Variants in UGT1A5 observed in about 807,000 individuals in gnomAD.
The protein encoded by UGT1A5 is UDP-glucuronosyltransferase 1A5.
Under a neutral mutation model 40.3 loss-of-function variants are expected in UGT1A5, and 29 were observed. That is an observed-to-expected ratio of 0.72 (90% CI 0.54 to 0.98). The LOEUF (loss-of-function observed/expected upper bound fraction) is 0.98, where lower values mean the gene tolerates loss of function less well. UGT1A5 is among the 50% of genes least tolerant of loss of function. UGT1A5 has a pLI of 0.00. For missense variants in UGT1A5, 678 were observed against 677.9 expected (o/e 1.00, Z 0.00); for synonymous variants, 257 against 262.5 (o/e 0.98, Z 0.20).
rs1700524185 is a variant in UGT1A5, at chr2:233,772,466, C to A, written c.1512C>A (p.Ala504=). 6.2e-6 allele frequency: 10 copies of A among 1,614,148 alleles called. No individual in the cohort carries two copies. The highest frequency in any genetic ancestry group is 8.5e-6 in the Non-Finnish European group (10 of 1,180,034). The change falls in exon 5 of 5, where the codon GCC becomes GCA. Residue 504 remains alanine, a synonymous_variant. Coordinates refer to ENST00000373414, the MANE Select transcript of UGT1A5 (RefSeq NM_019078.2). ...GFLLAVVLTV[A]FITFKCCAYG... ...TCTTGGCCGTCGTGCTGACAGTGGCCTTCATCACCTTTAAATGTTGTGCTT... is the reference window on the plus strand; with the variant it reads ...TCTTGGCCGTCGTGCTGACAGTGGCATTCATCACCTTTAAATGTTGTGCTT...
chr2:233,754,879 C>T (rs1695622753), intron 1 of UGT1A5: 1 of 1,352,088 alleles, frequency 7.4e-7, no homozygotes, highest in South Asian at 1.1e-5. Flanking sequence ...CTTCTGCTTC[C>T]CAGGGAGTTC....
At chr2:233,721,820 A>T in intron 1 of UGT1A5, 1 of 516,484 alleles carries the variant, frequency 1.9e-6, no homozygotes, top group Admixed American at 1.9e-5. Context: ...CCAGCACCCT[A>T]TTTGGGCCAC....
rs146704558 is a variant in UGT1A5 at position 233,766,504 on chromosome 2, T to C, written c.868-530T>C. On this transcript the variant is annotated intron_variant, in intron 1 of 4. Transcript: ENST00000373414. ...ATGGGGGCGTGGCAGGCCAGGGTGGTTTTGGGAAATGAAACATTTAGGCAG... is the reference window on the plus strand; with the variant it reads ...ATGGGGGCGTGGCAGGCCAGGGTGGCTTTGGGAAATGAAACATTTAGGCAG... Among the ~76,000 whole-genome samples the C allele has an allele frequency of 2.3e-3, 343 of 152,096 alleles. 3 individuals are homozygous for C. The highest frequency in any genetic ancestry group is 7.9e-3 in the African/African-American group (327 of 41,494).
At chr2:233,768,544 T>C in intron 4 of UGT1A5, 105 bp downstream of exon 4, 1 of 1,425,890 alleles carries the variant, frequency 7.0e-7, no homozygotes, top group South Asian at 1.4e-5. Context: ...GTTTCAAATA[T>C]AAAAACAAAT....
chr2:233,727,005 A>C (rs937597843), intron 1 of UGT1A5, among the ~76,000 whole-genome samples: 3 of 152,154 alleles, frequency 2.0e-5, no homozygotes, highest in African/African-American at 4.8e-5. Context: ...GCAAAGTTTT[A>C]TCATTTGTTG....
chr2:233,743,056 A>C (rs955838724), intron 1 of UGT1A5: 1 of 325,656 alleles, frequency 3.1e-6, no homozygotes, highest in Non-Finnish European at 6.0e-6. Flanking sequence ...AGTCCCAACG[A>C]TAAGAACAGG....
intron 4 of UGT1A5, 66 bp downstream of exon 4, chr2:233,768,505 A>G (rs1285600562): frequency 6.4e-7 from 1 of 1,563,990 alleles, no homozygotes; most frequent in Non-Finnish European, 8.7e-7. Flanking sequence ...TTCAAATATG[A>G]AAACATTTAC....
intron 1 of UGT1A5, among the ~76,000 whole-genome samples, chr2:233,762,570 C>A (rs1698104527): frequency 6.6e-6 from 1 of 152,154 alleles, no homozygotes; most frequent in South Asian, 2.1e-4. Flanking sequence ...TAGTCTAGTT[C>A]CCCACAGAGG....
intron 1 of UGT1A5, among the ~76,000 whole-genome samples, chr2:233,738,515 G>A (rs2125816431): frequency 6.6e-6 from 1 of 152,322 alleles, no homozygotes; most frequent in African/African-American, 2.4e-5. Context: ...TGCTGATAAT[G>A]TTGTGGACAA....
intron 1 of UGT1A5, chr2:233,761,057 G>A: frequency 6.2e-7 from 1 of 1,614,206 alleles, no homozygotes. Flanking sequence ...TGGCTGTTTA[G>A]AAGTGACTTT....
chr2:233,716,819 C>A (rs1378965211), intron 1 of UGT1A5, among the ~76,000 whole-genome samples: 1 of 152,146 alleles, frequency 6.6e-6, no homozygotes, highest in Non-Finnish European at 1.5e-5. Flanking sequence ...GCTGGGGTGA[C>A]CTCACTGACA....
intron 4 of UGT1A5, 74 bp from the exon 5 acceptor site, chr2:233,772,188 C>A (rs1559419594): frequency 1.1e-5 from 17 of 1,595,306 alleles, no homozygotes; most frequent in Middle Eastern, 2.0e-4. Context: ...TCTTCTTAAG[C>A]AGCCATGAGC....
At chr2:233,770,765 A>G (rs962602628) in intron 4 of UGT1A5, 1 of 152,230 alleles carries the variant, frequency 6.6e-6, no homozygotes, top group Non-Finnish European at 1.5e-5. Context: ...ATTACATTAT[A>G]ATAATGTTTC....
intron 1 of UGT1A5, chr2:233,743,705 G>A (rs756391897): frequency 8.8e-6 from 12 of 1,367,306 alleles, no homozygotes; most frequent in South Asian, 2.3e-5. Context: ...CTCCGCCCCC[G>A]CCTCGCCATA....
rs923317009 is a variant in UGT1A5, at chr2:233,730,111, C to T, written c.867+16253C>T. On this transcript the variant is annotated intron_variant, in intron 1 of 4. Transcript: ENST00000373414. ...CTTTCCAAATATTTCATTTCTGCTT[C>T]TCCTTGTCATAATAGCCTTCAGTGA... The T allele has an allele frequency of 2.6e-6, 4 of 1,566,198 alleles. No individual in the cohort carries two copies. In the African/African-American group the frequency reaches 4.1e-5, roughly 16 times the overall value.
chr2:233,757,680 A>G (rs1575754544), intron 1 of UGT1A5, among the ~76,000 whole-genome samples: 1 of 151,598 alleles, frequency 6.6e-6, no homozygotes, highest in South Asian at 2.1e-4. Context: ...AAGGAATTCA[A>G]GGGATTCAAG....
At position 233,769,594 on chromosome 2, in the gene UGT1A5, G is replaced by T; in HGVS notation, c.1307+1155G>T. 1 of 1,612,864 alleles carries T rather than the reference G, an allele frequency of 6.2e-7. No homozygotes were observed. Among genetic ancestry groups the T allele is most frequent in the South Asian group, 1.1e-5 (1 of 91,060 alleles). ...GAGCATGTTCAGATGAGAGGAGACG[G>T]AACACGGGGACACACCAGCTTGAGC... On this transcript the variant is annotated intron_variant, in intron 4 of 4. Coordinates refer to ENST00000373414, the MANE Select transcript of UGT1A5 (RefSeq NM_019078.2). This position sits in a 1 kb window ranked among gnomAD's most constrained non-coding sequence, Gnocchi z 4.4.
intron 1 of UGT1A5, among the ~76,000 whole-genome samples, chr2:233,732,241 G>T (rs2078253316): frequency 6.6e-6 from 1 of 152,170 alleles, no homozygotes; most frequent in South Asian, 2.1e-4. Context: ...TCTGTAGGTT[G>T]CCTGTTCACT....
intron 1 of UGT1A5, among the ~76,000 whole-genome samples, chr2:233,720,963 G>A (rs547406331): frequency 4.6e-4 from 69 of 150,328 alleles, no homozygotes; most frequent in African/African-American, 7.4e-4. Flanking sequence ...TGCCCGCCTC[G>A]GCCTCCCAAA....
Sources: allele counts gnomAD v4.1 joint callset (sites outside exome capture counted in the v4.1 genomes callset), GRCh38; gene constraint gnomAD v4.1.1; non-coding constraint Gnocchi (gnomAD v3.1); transcripts MANE v1.5; gene names NCBI Gene and HGNC (gene_info 2026-07-23, HGNC 2026-07-21).